The following COL25A1 variants were observed in gnomAD, a reference collection of about 807,000 sequenced individuals.
COL25A1 encodes collagen type XXV alpha 1 chain, also known as collagen alpha-1(XXV) chain.
A neutral mutation model predicts 128.4 loss-of-function variants in COL25A1; 103 were observed. The observed-to-expected ratio is 0.80, with a 90% CI of 0.68 to 0.94. The LOEUF is 0.94. Among genes scored for constraint, COL25A1 ranks in the 40% least tolerant of loss-of-function variants. COL25A1 has a pLI of 0.00. For missense variants in COL25A1, 745 were observed against 840.0 expected (o/e 0.89, Z 1.40); for synonymous variants, 279 against 277.2 (o/e 1.01, Z -0.06).
At chr4:109,208,955 A>T (rs952838164) in intron 3 of COL25A1, among the ~76,000 whole-genome samples, 10 of 152,208 alleles carry the variant, frequency 6.6e-5, no homozygotes, top group African/African-American at 2.4e-4. Context: ...TAGGGAGTAT[A>T]TAATAAACAG....
intron 3 of COL25A1, among the ~76,000 whole-genome samples, chr4:109,288,584 T>C (rs867134433): frequency 6.6e-6 from 1 of 152,130 alleles, no homozygotes; most frequent in Non-Finnish European, 1.5e-5. Flanking sequence ...CTAATGTAAC[T>C]GCCTGTACAT....
intron 5 of COL25A1, among the ~76,000 whole-genome samples, chr4:109,012,668 G>A (rs892351412): frequency 6.6e-6 from 1 of 152,154 alleles, no homozygotes; most frequent in Non-Finnish European, 1.5e-5. Flanking sequence ...CTGCTGGCCC[G>A]CCCGCACCAC....
At chr4:109,030,567 T>C (rs1758746830) in intron 5 of COL25A1, among the ~76,000 whole-genome samples, 1 of 152,138 alleles carries the variant, frequency 6.6e-6, no homozygotes, top group Admixed American at 6.5e-5. Context: ...ACTAATGTAG[T>C]GAATTACTGA....
At chr4:109,036,954 ATG>A (rs1467601594) in intron 5 of COL25A1, among the ~76,000 whole-genome samples, 3 of 152,226 alleles carry the variant, frequency 2.0e-5, no homozygotes, top group African/African-American at 7.2e-5. Flanking sequence ...GAGACAAAGT[ATG>A]TGTGTCTACT....
At chr4:108,855,794 C>T (rs1273694249) in intron 24 of COL25A1, among the ~76,000 whole-genome samples, 1 of 152,090 alleles carries the variant, frequency 6.6e-6, no homozygotes, top group Non-Finnish European at 1.5e-5. Context: ...ACAAACTGAG[C>T]TAACTTCACA....
intron 3 of COL25A1, among the ~76,000 whole-genome samples, chr4:109,103,678 A>C (rs118047869): frequency 6.6e-6 from 1 of 152,170 alleles, no homozygotes; most frequent in South Asian, 2.1e-4. Flanking sequence ...ATCTGAACTC[A>C]TGTTTAAAAT....
intron 36 of COL25A1, among the ~76,000 whole-genome samples, chr4:108,817,906 C>T (rs1368039990): frequency 1.3e-5 from 2 of 152,010 alleles, no homozygotes; most frequent in African/African-American, 4.8e-5. Flanking sequence ...TCTTCACATG[C>T]CAGTATTTTT....
intron 19 of COL25A1, among the ~76,000 whole-genome samples, chr4:108,869,985 G>A (rs546967726): frequency 1.3e-4 from 20 of 152,178 alleles, no homozygotes; most frequent in Non-Finnish European, 2.4e-4. Context: ...GGGTGCTGTG[G>A]CTCACACCTG....
intron 5 of COL25A1, among the ~76,000 whole-genome samples, chr4:109,045,633 C>A (rs1487246501): frequency 6.6e-6 from 1 of 152,130 alleles, no homozygotes; most frequent in Non-Finnish European, 1.5e-5. Flanking sequence ...ATTTTACCCA[C>A]AAGGAAGCCC....
At chr4:109,020,063 T>A (rs2041802471) in intron 5 of COL25A1, among the ~76,000 whole-genome samples, 1 of 148,476 alleles carries the variant, frequency 6.7e-6, no homozygotes, top group Admixed American at 6.8e-5. Flanking sequence ...AACTAATTTT[T>A]AAAACTAATT....
chr4:108,823,905 A>G (rs1732064467), intron 35 of COL25A1: 3 of 1,383,962 alleles, frequency 2.2e-6, no homozygotes, highest in Admixed American at 3.6e-5. Flanking sequence ...TTATTTTTCC[A>G]TAAATTGGTG....
chr4:108,999,298 G>C (rs979144743), intron 6 of COL25A1, among the ~76,000 whole-genome samples: 3 of 152,054 alleles, frequency 2.0e-5, no homozygotes, highest in Non-Finnish European at 4.4e-5. Flanking sequence ...ATCAAAAAGT[G>C]GGCAAAGGAT....
intron 3 of COL25A1, among the ~76,000 whole-genome samples, chr4:109,162,271 G>T (rs965991845): frequency 1.3e-5 from 2 of 152,126 alleles, no homozygotes; most frequent in African/African-American, 2.4e-5. Context: ...ACATGCAAAG[G>T]CCCAAAAATA....
chr4:108,982,444 C>G (rs918968851), intron 6 of COL25A1, among the ~76,000 whole-genome samples: 3 of 152,030 alleles, frequency 2.0e-5, no homozygotes, highest in Non-Finnish European at 2.9e-5. Flanking sequence ...CCTAGTCACC[C>G]GTAGCATAGA....
intron 8 of COL25A1, among the ~76,000 whole-genome samples, chr4:108,953,424 T>C (rs1460411300): frequency 1.3e-5 from 2 of 152,198 alleles, no homozygotes; most frequent in African/African-American, 2.4e-5. Flanking sequence ...AAAATATTTA[T>C]TGCAATTTAG....
chr4:108,884,079 A>T, intron 19 of COL25A1, 99 bp downstream of exon 19: 5 of 1,190,896 alleles, frequency 4.2e-6, no homozygotes, highest in Non-Finnish European at 6.2e-6. Flanking sequence ...AGAGAACAGC[A>T]TTCTATTTTT....
intron 3 of COL25A1, among the ~76,000 whole-genome samples, chr4:109,153,308 G>A (rs1247025898): frequency 6.6e-6 from 1 of 151,108 alleles, no homozygotes; most frequent in African/African-American, 2.4e-5. Flanking sequence ...TCAAACCCGG[G>A]AGGCAGAGGT....
intron 14 of COL25A1, 40 bp downstream of exon 14, chr4:108,901,079 C>T (rs755862320): frequency 3.2e-4 from 466 of 1,458,298 alleles, no homozygotes; most frequent in Non-Finnish European, 4.0e-4. Context: ...CCTGACAATT[C>T]GTGTGTCAAA....
intron 11 of COL25A1, among the ~76,000 whole-genome samples, chr4:108,928,898 A>G (rs979018898): frequency 6.6e-6 from 1 of 152,162 alleles, no homozygotes; most frequent in Non-Finnish European, 1.5e-5. Context: ...TGCATTGAAC[A>G]GTGCAGATCT....
Sources: allele counts gnomAD v4.1 joint callset (sites outside exome capture counted in the v4.1 genomes callset), GRCh38; gene constraint gnomAD v4.1.1; transcripts MANE v1.5; gene names NCBI Gene and HGNC (gene_info 2026-07-23, HGNC 2026-07-21).